WWC2: variants seen among roughly 807,000 people sequenced by gnomAD.
The protein encoded by WWC2 is protein WWC2.
WWC2 carries 101 observed loss-of-function variants against 138.5 expected under a neutral mutation model. That is an observed-to-expected ratio of 0.73 (90% CI 0.62 to 0.86). The LOEUF (loss-of-function observed/expected upper bound fraction) is 0.86. Among genes scored for constraint, WWC2 ranks in the 40% least tolerant of loss-of-function variants. WWC2 has a pLI of 0.00. For missense variants in WWC2, 1,420 were observed against 1,419.4 expected (o/e 1.00, Z -0.01); for synonymous variants, 558 against 538.4 (o/e 1.04, Z -0.50).
intron 2 of WWC2, chr4:183,203,725 C>T (rs1735365437): frequency 6.6e-6 from 1 of 152,118 alleles, no homozygotes; most frequent in Non-Finnish European, 1.5e-5. Flanking sequence ...ATAACCAGAG[C>T]TGCGTATTTA....
chr4:183,135,722 A>G (rs929979069), intron 1 of WWC2, among the ~76,000 whole-genome samples: 1 of 152,104 alleles, frequency 6.6e-6, no homozygotes, highest in African/African-American at 2.4e-5. Flanking sequence ...CTCAGTGCAT[A>G]CCTTTTCAAG....
chr4:183,169,328 C>A (rs1290798371), intron 1 of WWC2, among the ~76,000 whole-genome samples: 3 of 152,202 alleles, frequency 2.0e-5, no homozygotes, highest in African/African-American at 7.2e-5. Flanking sequence ...TGAGGAAGGA[C>A]TGACTGACAA....
In WWC2 at chr4:183,261,277, C is replaced by T; in HGVS notation, c.1654C>T (p.Leu552Phe). 1.2e-6 allele frequency: 2 copies of T among 1,613,522 alleles called. No individual in the cohort carries two copies. Among genetic ancestry groups the T allele is most frequent in the Non-Finnish European group, 1.7e-6 (2 of 1,179,706 alleles). Residue 552 changes from leucine (L) to phenylalanine (F), a missense_variant, in exon 11 of 23, where the codon CTT becomes TTT. Leu to Phe is a conservative substitution (Grantham distance 22). Coordinates refer to ENST00000403733, the MANE Select transcript of WWC2 (RefSeq NM_024949.6). The part of the protein sequence containing the change: ...SVASLSSRSS[L>F]SSLSPPGSPL... Reference sequence around the variant, plus strand: ...GGCCTCCCTGTCCTCGAGGTCCTCCCTTTCCTCCTTGTCTCCTCCAGGCTC... The same window carrying T: ...GGCCTCCCTGTCCTCGAGGTCCTCCTTTTCCTCCTTGTCTCCTCCAGGCTC...
At chr4:183,134,269 T>C (rs1733042779) in intron 1 of WWC2, among the ~76,000 whole-genome samples, 1 of 152,104 alleles carries the variant, frequency 6.6e-6, no homozygotes, top group Non-Finnish European at 1.5e-5. Context: ...TTTCATTATT[T>C]TCTGTGCCTA....
chr4:183,163,264 C>T (rs985799178), intron 1 of WWC2, among the ~76,000 whole-genome samples: 2 of 152,206 alleles, frequency 1.3e-5, no homozygotes, highest in Non-Finnish European at 2.9e-5. Context: ...TAGCTCCTCA[C>T]TCTTTCTGGT....
At chr4:183,173,465 T>A (rs543396527) in intron 1 of WWC2, among the ~76,000 whole-genome samples, 1 of 152,140 alleles carries the variant, frequency 6.6e-6, no homozygotes, top group Admixed American at 6.5e-5. Flanking sequence ...CAGTGTTGTT[T>A]TGGTTTCTGC....
At chr4:183,117,203 C>T (rs1732438582) in intron 1 of WWC2, among the ~76,000 whole-genome samples, 2 of 151,106 alleles carry the variant, frequency 1.3e-5, no homozygotes, top group African/African-American at 4.9e-5. Flanking sequence ...CCAGCTCTTC[C>T]ACATTCTTCT....
chr4:183,214,720 A>G (rs1180619858), intron 4 of WWC2, among the ~76,000 whole-genome samples: 1 of 151,794 alleles, frequency 6.6e-6, no homozygotes, highest in African/African-American at 2.4e-5. Context: ...TGAACGTGGG[A>G]GGTGGAGGTT....
chr4:183,273,231 C>CT (rs35297102), intron 16 of WWC2, among the ~76,000 whole-genome samples: 3 of 150,652 alleles, frequency 2.0e-5, no homozygotes, highest in African/African-American at 7.3e-5. Context: ...ATTAGTATAT[C>CT]TTTTTTTTGA....
rs373587054 is a variant in WWC2, at chr4:183,245,452, T to G, written c.639T>G (p.Tyr213Ter). The change falls in exon 6 of 23, where the codon TAT (tyrosine) becomes TAG (stop). Residue 213 changes from tyrosine to a stop codon, truncating the protein, a stop_gained. Coordinates refer to ENST00000403733, the MANE Select transcript of WWC2 (RefSeq NM_024949.6). LOFTEE classifies it high-confidence loss of function. ...DKKMSGGQSGYELSEAKAILT... is the reference protein window; with the variant it reads ...DKKMSGGQSG ...AAATGTCTGGAGGCCAGAGCGGGTA[T>G]GAACTCAGTGAAGCCAAAGCCATTC... is the stretch of plus-strand genomic sequence containing the variant. 1.2e-6 allele frequency: 2 copies of G among 1,600,604 alleles called. No homozygotes were observed. Among genetic ancestry groups the G allele is most frequent in the African/African-American group, 1.4e-5 (1 of 73,752 alleles).
At chr4:183,244,266 G>A (rs1736706623) in intron 5 of WWC2, among the ~76,000 whole-genome samples, 1 of 152,174 alleles carries the variant, frequency 6.6e-6, no homozygotes, top group African/African-American at 2.4e-5. Flanking sequence ...GGAGGACCAG[G>A]AGAGTGATCA....
intron 6 of WWC2, among the ~76,000 whole-genome samples, chr4:183,247,630 C>CTATATATAGTATATATAG (rs1560864753): frequency 1.6e-5 from 2 of 127,510 alleles, no homozygotes; most frequent in African/African-American, 6.0e-5. Flanking sequence ...ATACTATATA[C>CTATATATAGTATATATAG]TATATATACT....
intron 21 of WWC2, among the ~76,000 whole-genome samples, chr4:183,302,217 T>C (rs767240465): frequency 1.6e-4 from 24 of 152,216 alleles, no homozygotes; most frequent in Non-Finnish European, 2.8e-4. Context: ...AGTTTGGCCG[T>C]GAACCATAGT....
intron 21 of WWC2, among the ~76,000 whole-genome samples, chr4:183,307,465 C>T (rs1739060383): frequency 6.6e-6 from 1 of 152,084 alleles, no homozygotes; most frequent in East Asian, 1.9e-4. Flanking sequence ...CAGCATTATC[C>T]TAATAGCAAA....
intron 1 of WWC2, among the ~76,000 whole-genome samples, chr4:183,170,953 GAA>G (rs1198328731): frequency 6.6e-6 from 1 of 151,794 alleles, no homozygotes; most frequent in East Asian, 1.9e-4. Flanking sequence ...ATGACATTTA[GAA>G]AAAGTAATTT....
intron 4 of WWC2, among the ~76,000 whole-genome samples, chr4:183,237,672 C>T (rs983878224): frequency 2.0e-5 from 3 of 152,070 alleles, no homozygotes; most frequent in Non-Finnish European, 4.4e-5. Flanking sequence ...TAATAAAATA[C>T]GAGTACCTAA....
Position 183,289,375 on chromosome 4 carries a change from C to A in WWC2, c.3142-18C>A. The A allele has an allele frequency of 6.2e-7, 1 of 1,605,590 alleles. No individual in the cohort carries two copies. Among genetic ancestry groups the A allele is most frequent in the Non-Finnish European group, 8.5e-7 (1 of 1,175,010 alleles). ...CTGTATAACCAGGGTGTTCGTCATT[C>A]CGTTTCTAACTATCCAGACGGTTTG... On this transcript the variant is annotated intron_variant, in intron 20 of 22. Coordinates refer to ENST00000403733, the MANE Select transcript of WWC2 (RefSeq NM_024949.6).
intron 1 of WWC2, among the ~76,000 whole-genome samples, chr4:183,178,782 C>T (rs1306509369): frequency 6.6e-6 from 1 of 152,088 alleles, no homozygotes; most frequent in Non-Finnish European, 1.5e-5. Flanking sequence ...GGCTTCAGGG[C>T]GCATAATCGA....
At chr4:183,295,780 C>T (rs1738611168) in intron 21 of WWC2, among the ~76,000 whole-genome samples, 1 of 151,990 alleles carries the variant, frequency 6.6e-6, no homozygotes, top group African/African-American at 2.4e-5. Context: ...TCATTCTTCC[C>T]AGGGTGCCGA....
Sources: allele counts gnomAD v4.1 joint callset (sites outside exome capture counted in the v4.1 genomes callset), GRCh38; gene constraint gnomAD v4.1.1; transcripts MANE v1.5; gene names NCBI Gene and HGNC (gene_info 2026-07-23, HGNC 2026-07-21).